RABGEF1: variants seen among roughly 807,000 people sequenced by gnomAD.
RABGEF1 encodes RAB guanine nucleotide exchange factor 1.
Under a neutral mutation model 57.3 loss-of-function variants are expected in RABGEF1, and 26 were observed. The observed-to-expected ratio is 0.45, with a 90% CI of 0.33 to 0.63. The LOEUF is 0.63. RABGEF1 is among the 20% of genes least tolerant of loss of function. RABGEF1 has a pLI of 0.02. For missense variants in RABGEF1, 464 were observed against 607.6 expected, an observed-to-expected ratio of 0.76 and a Z score of 2.48; for synonymous variants, 185 against 210.7, an observed-to-expected ratio of 0.88 and a Z score of 1.06.
intron 2 of RABGEF1, among the ~76,000 whole-genome samples, chr7:66,725,611 C>A (rs1380144052): frequency 6.6e-6 from 1 of 152,012 alleles, no homozygotes; most frequent in African/African-American, 2.4e-5. Flanking sequence ...TGTTTTTGTT[C>A]CATCCATGGC....
chr7:66,725,289 A>G (rs1168402301), intron 2 of RABGEF1, among the ~76,000 whole-genome samples: 3 of 152,142 alleles, frequency 2.0e-5, no homozygotes, highest in Non-Finnish European at 4.4e-5. Flanking sequence ...ATCCATCATC[A>G]TAATCAATTT....
intron 1 of RABGEF1, among the ~76,000 whole-genome samples, chr7:66,746,454 A>G (rs567836533): frequency 6.7e-6 from 1 of 149,802 alleles, no homozygotes; most frequent in South Asian, 2.1e-4. Flanking sequence ...TACCCAGCTA[A>G]TTTTTTTTGT....
chr7:66,775,324 G>A lies in RABGEF1; in HGVS notation c.277G>A (p.Glu93Lys), dbSNP rs148281810. Residue 93 changes from glutamate (E) to lysine (K), a missense_variant, in exon 3 of 9, where the codon GAG becomes AAG. Around this residue, in one of 4 missense-constraint regions of RABGEF1, gnomAD observed 284 missense variants for 389.9 expected, o/e 0.73. Coordinates refer to ENST00000284957, the MANE Select transcript of RABGEF1 (RefSeq NM_014504.3). Reference protein sequence around the residue: ...FSKFEEKKTNEKTRKVTTVKK... With the variant: ...FSKFEEKKTNKKTRKVTTVKK... ...CAAGTTTGAAGAAAAGAAAACCAAC[G>A]AGAAGACCCGCAAGGTTACCACAGT... The A allele has an allele frequency of 7.6e-5, 123 of 1,613,808 alleles. No individual in the cohort carries two copies. The highest frequency in any genetic ancestry group is 9.7e-5 in the Non-Finnish European group (115 of 1,179,864).
At chr7:66,720,169 C>CATTATT (rs200225436) in intron 2 of RABGEF1, among the ~76,000 whole-genome samples, 4 of 134,018 alleles carry the variant, frequency 3.0e-5, no homozygotes, top group Non-Finnish European at 6.5e-5. Context: ...AACATCCATT[C>CATTATT]ATTATTATTA....
intron 3 of RABGEF1, among the ~76,000 whole-genome samples, chr7:66,782,805 C>T (rs1365139446): frequency 6.6e-6 from 1 of 152,054 alleles, no homozygotes; most frequent in Non-Finnish European, 1.5e-5. Context: ...ATAAAACATA[C>T]TTTTAAAAAA....
the RABGEF1 span, among the ~76,000 whole-genome samples, chr7:66,674,698 A>G: frequency 8.5e-5 from 13 of 152,174 alleles, no homozygotes; most frequent in Non-Finnish European, 1.6e-4. Context: ...GCCAAGTACA[A>G]AAGAGAACAT....
intron 2 of RABGEF1, among the ~76,000 whole-genome samples, chr7:66,774,740 ATGGAGTGACACTC>A (rs1808092900): frequency 2.6e-5 from 4 of 152,094 alleles, no homozygotes; most frequent in Admixed American, 2.6e-4. Flanking sequence ...AGCCTGGGCG[ATGGAGTGACACTC>A]TGTCTCAAAA....
Position 66,742,922 on chromosome 7 carries a change from G to A in RABGEF1, c.-18+2130G>A, listed in dbSNP as rs1276244446. Among the ~76,000 whole-genome samples, 3 of 152,260 alleles carry A rather than the reference G, an allele frequency of 2.0e-5. No individual in the cohort carries two copies. The South Asian group carries it at 6.2e-4, about 32-fold the overall frequency. On this transcript the variant is annotated intron_variant, in intron 1 of 8. Transcript: ENST00000284957. ...GAGCCTGGAGGGTCGTTACTAAAGTGAAAAAGTGCAGGACAGAGATGTAGG... is the reference window on the plus strand; with the variant it reads ...GAGCCTGGAGGGTCGTTACTAAAGTAAAAAAGTGCAGGACAGAGATGTAGG...
At chr7:66,711,405 AT>A (rs202115107) in intron 1 of RABGEF1, among the ~76,000 whole-genome samples, 10,816 of 138,084 alleles carry the variant, frequency 0.078, 489 homozygotes, top group East Asian at 0.18. Context: ...TTTTGTGCTA[AT>A]TTTTTTTTTT....
At chr7:66,788,942 CA>C (rs1811897370) in intron 4 of RABGEF1, among the ~76,000 whole-genome samples, 1 of 150,964 alleles carries the variant, frequency 6.6e-6, no homozygotes, top group South Asian at 2.1e-4. Context: ...GCAACAAGAG[CA>C]AAAAAACTCT....
chr7:66,776,332 T>G (rs867015534), intron 3 of RABGEF1, among the ~76,000 whole-genome samples: 1 of 152,244 alleles, frequency 6.6e-6, no homozygotes, highest in South Asian at 2.1e-4. Context: ...TTTGTGACTT[T>G]TGCTGTTTCC....
intron 1 of RABGEF1, 60 bp from the exon 2 acceptor site, chr7:66,771,823 G>A: frequency 8.0e-7 from 1 of 1,249,220 alleles, no homozygotes; most frequent in African/African-American, 1.5e-5. Flanking sequence ...TTCATAATTG[G>A]TAAGATTTTA....
intron 2 of RABGEF1, among the ~76,000 whole-genome samples, chr7:66,712,875 T>C (rs1203154011): frequency 6.6e-6 from 1 of 151,398 alleles, no homozygotes; most frequent in African/African-American, 2.4e-5. Flanking sequence ...AGTGCCATAG[T>C]GCAAACACAG....
intron 4 of RABGEF1, among the ~76,000 whole-genome samples, chr7:66,788,585 A>G (rs1811800050): frequency 6.6e-6 from 1 of 152,198 alleles, no homozygotes. Context: ...AAGACTTCTT[A>G]ATAGTCATTC....
chr7:66,666,363 G>A, the RABGEF1 span: 1 of 152,236 alleles, frequency 6.6e-6, no homozygotes, highest in African/African-American at 2.4e-5. Context: ...TCCCAGCTCT[G>A]TTGGTTGCAA....
rs777112674 is a variant in RABGEF1, at chr7:66,809,007, C to T, written c.1199C>T (p.Ser400Phe). Residue 400 changes from serine (S) to phenylalanine (F), a missense_variant, in exon 9 of 9, where the codon TCT becomes TTT. Coordinates refer to ENST00000284957, the MANE Select transcript of RABGEF1 (RefSeq NM_014504.3). ...SPRKQEAESW[S>F]PDACLGVKQM... ...AGGAAGCAAGAAGCTGAGAGTTGGT[C>T]TCCTGATGCTTGCTTAGGCGTCAAG... 6.2e-7 allele frequency: 1 copy of T among 1,614,156 alleles called. No homozygotes were observed. Among genetic ancestry groups the T allele is most frequent in the Non-Finnish European group, 8.5e-7 (1 of 1,180,032 alleles).
chr7:66,754,166 T>C (rs567784637), intron 1 of RABGEF1, among the ~76,000 whole-genome samples: 1 of 150,586 alleles, frequency 6.6e-6, no homozygotes, highest in East Asian at 2.0e-4. Flanking sequence ...CACGCCTGGC[T>C]AATTTTTTTG....
At chr7:66,669,616 T>A in the RABGEF1 span, 17 of 152,376 alleles carry the variant, frequency 1.1e-4, no homozygotes, top group African/African-American at 3.9e-4. Context: ...TCAGTAGCTT[T>A]GGCATGAAAC....
At chr7:66,763,897 G>A (rs549263752) in intron 1 of RABGEF1, among the ~76,000 whole-genome samples, 1 of 152,108 alleles carries the variant, frequency 6.6e-6, no homozygotes, top group Admixed American at 6.5e-5. Context: ...ATGTACATTT[G>A]GGTTGTTTCT....
Sources: allele counts gnomAD v4.1 joint callset (sites outside exome capture counted in the v4.1 genomes callset), GRCh38; gene constraint gnomAD v4.1.1; regional missense constraint gnomAD v4.1.1; transcripts MANE v1.5; gene names NCBI Gene and HGNC (gene_info 2026-07-23, HGNC 2026-07-21).